Variants in AFF3 observed in about 807,000 individuals in gnomAD.
AFF3 encodes ALF transcription elongation factor 3.
Under a neutral mutation model 129.7 loss-of-function variants are expected in AFF3, and 32 were observed. That is an observed-to-expected ratio of 0.25 (90% CI 0.19 to 0.33). The LOEUF (loss-of-function observed/expected upper bound fraction) is 0.33, where lower values mean the gene tolerates loss of function less well. Ranked by LOEUF, AFF3 falls within the 10% of genes least tolerant of loss-of-function variation. The probability of loss-of-function intolerance (pLI) is 1.00; values close to 1 mark genes in which losing one functional copy is unlikely to be tolerated. For missense variants in AFF3, 1,373 were observed against 1,592.0 expected (o/e 0.86, Z 2.34); for synonymous variants, 644 against 635.4 (o/e 1.01, Z -0.20).
chr2:100,034,473 A>C (rs747551018), intron 4 of AFF3, among the ~76,000 whole-genome samples: 24 of 152,124 alleles, frequency 1.6e-4, no homozygotes, highest in Non-Finnish European at 3.5e-4. Context: ...AATTTTAAAA[A>C]CTCATTAGAA....
Position 99,733,654 on chromosome 2 carries a change from C to T in AFF3, c.1040-6526G>A, listed in dbSNP as rs1033872304. Among the ~76,000 whole-genome samples, 6 of 152,052 alleles carry T rather than the reference C, an allele frequency of 3.9e-5. No homozygotes were observed. In the South Asian group the frequency reaches 8.3e-4, roughly 21 times the overall value. On this transcript the variant is annotated intron_variant, in intron 10 of 24. Transcript: ENST00000672756. ...ATGGCGTGGGGTAGGAGTTAAGTTTCGTTTTTCTCCCTAGAAATAACCAGT... is the reference window on the plus strand; with the variant it reads ...ATGGCGTGGGGTAGGAGTTAAGTTTTGTTTTTCTCCCTAGAAATAACCAGT...
At chr2:100,135,635 A>G (rs185756291) in intron 1 of AFF3, among the ~76,000 whole-genome samples, 1 of 152,338 alleles carries the variant, frequency 6.6e-6, no homozygotes, top group Non-Finnish European at 1.5e-5. Flanking sequence ...GACCCATGAC[A>G]TCTTGAGCAA....
intron 4 of AFF3, among the ~76,000 whole-genome samples, chr2:100,033,854 A>C (rs1201827885): frequency 6.6e-6 from 1 of 152,204 alleles, no homozygotes; most frequent in Non-Finnish European, 1.5e-5. Context: ...AAAATTTACT[A>C]TATAATAAAA....
In AFF3 at chr2:99,545,431, A is replaced by G. The variant is rs964976109; in HGVS notation, c.*6043T>C. ...ACGATAAGGAAACTAGAACATTGAT[A>G]TTATTTTAATTACCCAACAGCACTC... is the stretch of plus-strand genomic sequence containing the variant. On this transcript the variant is annotated 3_prime_UTR_variant, in exon 25 of 25. Coordinates refer to ENST00000672756, the MANE Select transcript of AFF3 (RefSeq NM_001386135.1). 1 of 152,226 alleles carries G rather than the reference A, an allele frequency of 6.6e-6. No homozygotes were observed. The highest frequency in any genetic ancestry group is 2.4e-5 in the African/African-American group (1 of 41,456). 9.4% of individuals were successfully genotyped at this position (152,226 alleles called of 1,614,324 possible).
intron 13 of AFF3, among the ~76,000 whole-genome samples, chr2:99,606,716 C>A (rs1480123315): frequency 3.6e-4 from 54 of 151,688 alleles, no homozygotes; most frequent in Non-Finnish European, 4.4e-5. Context: ...AGATCAAGAC[C>A]ATCCTGGCTA....
chr2:99,964,412 C>T (rs1677528967), intron 7 of AFF3, among the ~76,000 whole-genome samples: 1 of 152,140 alleles, frequency 6.6e-6, no homozygotes, highest in East Asian at 1.9e-4. Context: ...AGCATGTTCT[C>T]TAGATCATAA....
At chr2:100,031,397 G>T (rs1684477806) in intron 4 of AFF3, among the ~76,000 whole-genome samples, 1 of 152,208 alleles carries the variant, frequency 6.6e-6, no homozygotes, top group East Asian at 1.9e-4. Context: ...AGTAGCATAT[G>T]TATTAGCTTA....
intron 11 of AFF3, among the ~76,000 whole-genome samples, chr2:99,724,831 G>A (rs1280233205): frequency 1.3e-5 from 2 of 152,144 alleles, no homozygotes; most frequent in African/African-American, 4.8e-5. Flanking sequence ...CTTGCAACCT[G>A]TTATTTCTAG....
At chr2:99,834,618 C>A (rs1306655836) in intron 8 of AFF3, among the ~76,000 whole-genome samples, 1 of 152,212 alleles carries the variant, frequency 6.6e-6, no homozygotes. Flanking sequence ...TCACCAGCAA[C>A]GTTTCTGTGG....
At chr2:100,074,677 A>G (rs1034663835) in intron 4 of AFF3, among the ~76,000 whole-genome samples, 30 of 152,188 alleles carry the variant, frequency 2.0e-4, no homozygotes, top group African/African-American at 7.2e-4. Context: ...TTTGTCTCTG[A>G]ATTCTAAATT....
intron 9 of AFF3, among the ~76,000 whole-genome samples, chr2:99,750,318 A>G (rs1681520613): frequency 6.6e-6 from 1 of 152,120 alleles, no homozygotes; most frequent in Non-Finnish European, 1.5e-5. Flanking sequence ...AAACAACAAG[A>G]TATCAACTTT....
Position 99,955,542 on chromosome 2 carries a change from A to G in AFF3, c.873+51090T>C, listed in dbSNP as rs531836701. On this transcript the variant is annotated intron_variant, in intron 7 of 24. Transcript: ENST00000672756. Reference sequence around the variant, plus strand: ...ATTTTAAGATGCTTAGGACTCTGCTATATTTGTCATATTTCTGGTGTCCAC... The same window carrying G: ...ATTTTAAGATGCTTAGGACTCTGCTGTATTTGTCATATTTCTGGTGTCCAC... 1.8e-4 allele frequency among the ~76,000 whole-genome samples: 28 copies of G among 152,304 alleles called. No homozygotes were observed. The South Asian group carries it at 5.6e-3, about 30-fold the overall frequency.
At chr2:99,674,645 C>T (rs983672950) in intron 11 of AFF3, among the ~76,000 whole-genome samples, 11 of 152,032 alleles carry the variant, frequency 7.2e-5, no homozygotes, top group African/African-American at 2.7e-4. Flanking sequence ...GTGGGGAGGA[C>T]TCACACAATC....
rs1334219745 is a variant in AFF3, at chr2:99,582,849, G to C, written c.2742C>G (p.Ser914Arg). ...GCTGGCTGTCGGCCTTAGGCTTTTTGCTGGAAGAGGCTGAAGTAAACAAAC... is the reference window on the plus strand; with the variant it reads ...GCTGGCTGTCGGCCTTAGGCTTTTTCCTGGAAGAGGCTGAAGTAAACAAAC... The part of the protein sequence containing the change: ...GNSLFTSASS[S>R]KKPKADSQLQ... The change falls in exon 17 of 25, where the codon AGC (serine) becomes AGG (arginine). Residue 914 changes from serine to arginine, a missense_variant. By Grantham distance (110) the Ser-to-Arg change is moderately radical (BLOSUM62 -1). Coordinates refer to ENST00000672756, the MANE Select transcript of AFF3 (RefSeq NM_001386135.1). The C allele has an allele frequency of 1.2e-6, 2 of 1,614,098 alleles. No homozygotes were observed. The highest frequency in any genetic ancestry group is 1.7e-6 in the Non-Finnish European group (2 of 1,180,042).
At chr2:99,926,699 GC>G (rs566336414) in intron 7 of AFF3, among the ~76,000 whole-genome samples, 944 of 38,302 alleles carry the variant, frequency 0.025, 6 homozygotes, top group Non-Finnish European at 0.033. Context: ...GGGCAAGCCT[GC>G]CCTGCCTGGG....
chr2:99,805,815 C>CAG (rs1296885567), intron 8 of AFF3, among the ~76,000 whole-genome samples: 2 of 122,048 alleles, frequency 1.6e-5, no homozygotes, highest in African/African-American at 1.1e-4. Context: ...AGGAGTCTTA[C>CAG]ACACACACAC....
chr2:99,589,446 G>A (rs1308669124), intron 15 of AFF3, among the ~76,000 whole-genome samples: 1 of 128,748 alleles, frequency 7.8e-6, no homozygotes, highest in African/African-American at 3.0e-5. Flanking sequence ...TCTATTGCCA[G>A]GCTGGAGTGC....
intron 7 of AFF3, among the ~76,000 whole-genome samples, chr2:99,925,803 G>C (rs1019658876): frequency 1.3e-5 from 2 of 152,218 alleles, no homozygotes; most frequent in African/African-American, 4.8e-5. Flanking sequence ...GCTCAGCACA[G>C]AGGAGACATT....
intron 7 of AFF3, among the ~76,000 whole-genome samples, chr2:99,880,876 T>A (rs1240435483): frequency 6.6e-6 from 1 of 152,202 alleles, no homozygotes; most frequent in Non-Finnish European, 1.5e-5. Context: ...AATGTACTTA[T>A]GCATAAGGGC....
Sources: gnomAD v4.1 joint callset for allele counts (sites outside exome capture counted in the v4.1 genomes callset) on GRCh38, gnomAD v4.1.1 for gene constraint, MANE v1.5 for transcripts, NCBI Gene and HGNC (gene_info 2026-07-23, HGNC 2026-07-21) for gene names.